The following GPATCH8 variants were observed in gnomAD, a reference collection of about 807,000 sequenced individuals.
GPATCH8 encodes G-patch domain containing 8, also known as G patch domain-containing protein 8.
A neutral mutation model predicts 118.3 loss-of-function variants in GPATCH8; 18 were observed. The observed-to-expected ratio is 0.15, with a 90% CI of 0.11 to 0.23. The LOEUF is 0.23. GPATCH8 is among the 10% of genes least tolerant of loss of function. The pLI, the probability that GPATCH8 is intolerant of heterozygous loss-of-function variation, is 1.00. For missense variants in GPATCH8, 1,631 were observed against 1,873.8 expected, an observed-to-expected ratio of 0.87 and a Z score of 2.39; for synonymous variants, 659 against 684.7, an observed-to-expected ratio of 0.96 and a Z score of 0.59.
intron 3 of GPATCH8, among the ~76,000 whole-genome samples, chr17:44,446,478 T>C (rs948346112): frequency 2.6e-5 from 4 of 152,098 alleles, no homozygotes; most frequent in African/African-American, 9.7e-5. Flanking sequence ...CACAGGAGAA[T>C]GGTGTGAACC....
At chr17:44,451,663 A>G (rs908203890) in intron 3 of GPATCH8, among the ~76,000 whole-genome samples, 1 of 152,226 alleles carries the variant, frequency 6.6e-6, no homozygotes, top group Non-Finnish European at 1.5e-5. Flanking sequence ...ACCAATTTCC[A>G]TCCCTAAATA....
intron 1 of GPATCH8, among the ~76,000 whole-genome samples, chr17:44,483,224 A>C: frequency 3.6e-5 from 3 of 84,048 alleles, no homozygotes; most frequent in Non-Finnish European, 4.6e-5. Flanking sequence ...TATACAGCCT[A>C]CCTCTCATAT....
intron 5 of GPATCH8, among the ~76,000 whole-genome samples, chr17:44,431,737 C>G (rs966462326): frequency 6.6e-6 from 1 of 151,756 alleles, no homozygotes; most frequent in African/African-American, 2.4e-5. Flanking sequence ...TTGAGACCAG[C>G]CTGGGCAACA....
rs1433025811 is a variant in GPATCH8, at chr17:44,483,400, A to C, written c.46-8497T>G. ...TGAGTAGCTGGGACTACAGGCACCC[A>C]CCACCACACCTGGCTAATTTTTGTA... On this transcript the variant is annotated intron_variant, in intron 1 of 7. Coordinates refer to ENST00000591680, the MANE Select transcript of GPATCH8 (RefSeq NM_001002909.4). 6.7e-4 allele frequency among the ~76,000 whole-genome samples: 98 copies of C among 146,144 alleles called. 1 individual carries two copies. The highest frequency in any genetic ancestry group is 2.4e-3 in the African/African-American group (97 of 39,836).
At chr17:44,403,819 T>C (rs1472899295) in intron 7 of GPATCH8, among the ~76,000 whole-genome samples, 2 of 151,614 alleles carry the variant, frequency 1.3e-5, no homozygotes, top group Middle Eastern at 3.2e-3. Flanking sequence ...TCAGCCTCCT[T>C]AGTAGCTGGG....
chr17:44,457,478 A>G (rs1001090406), intron 3 of GPATCH8, among the ~76,000 whole-genome samples: 1 of 152,324 alleles, frequency 6.6e-6, no homozygotes, highest in Admixed American at 6.5e-5. Flanking sequence ...CTGGAGATAC[A>G]CTCCAAATAA....
intron 6 of GPATCH8, among the ~76,000 whole-genome samples, chr17:44,412,362 ACAGAGCAAGAACC>A (rs1567952550): frequency 1.3e-5 from 2 of 152,154 alleles, no homozygotes; most frequent in African/African-American, 2.4e-5. Context: ...AGCCTGGGAA[ACAGAGCAAGAACC>A]TTTCATTTTA....
At chr17:44,442,219 A>AC in intron 3 of GPATCH8, among the ~76,000 whole-genome samples, 1 of 148,346 alleles carries the variant, frequency 6.7e-6, no homozygotes, top group East Asian at 2.1e-4. Context: ...GATGTAAAAA[A>AC]AAAAAAAAAC....
In GPATCH8 at chr17:44,399,346, A is replaced by G; in HGVS notation, c.2731T>C (p.Ser911Pro). 6.2e-7 allele frequency: 1 copy of G among 1,614,052 alleles called. No individual in the cohort carries two copies. The highest frequency in any genetic ancestry group is 8.5e-7 in the Non-Finnish European group (1 of 1,179,950). ...SRRHSKRSHDSDDSDYASSKH... is the reference protein window; with the variant it reads ...SRRHSKRSHDPDDSDYASSKH... The stretch of plus-strand genomic sequence containing the variant: ...GAGCTGGCATAGTCTGAGTCATCTG[A>G]GTCATGGGAGCGCTTGGAGTGCCTT... The change falls in exon 8 of 8, where the codon TCA (serine) becomes CCA (proline). Residue 911 changes from serine to proline, a missense_variant. Physicochemically the swap from Ser to Pro is moderately conservative, Grantham distance 74 (BLOSUM62 -1). This residue lies in a region of GPATCH8 where 922 missense variants were observed against 879.7 expected (regional missense o/e 1.05). Transcript: ENST00000591680.
intron 2 of GPATCH8, 158 bp from the exon 3 acceptor site, chr17:44,464,702 T>C (rs1269177500): frequency 9.2e-6 from 6 of 649,808 alleles, no homozygotes; most frequent in South Asian, 1.7e-5. Flanking sequence ...AAGAGGGACA[T>C]TAATGTAAAA....
chr17:44,480,463 C>T (rs1268956671), intron 1 of GPATCH8, among the ~76,000 whole-genome samples: 1 of 151,966 alleles, frequency 6.6e-6, no homozygotes, highest in Non-Finnish European at 1.5e-5. Context: ...CGTCTATAAT[C>T]CCAGCACTTT....
At chr17:44,484,195 G>A (rs1386650405) in intron 1 of GPATCH8, among the ~76,000 whole-genome samples, 1 of 151,322 alleles carries the variant, frequency 6.6e-6, no homozygotes, top group Admixed American at 6.6e-5. Flanking sequence ...TGTTGGCCAG[G>A]CTAGTCTCGA....
At chr17:44,434,581 T>C (rs2050432216) in intron 5 of GPATCH8, among the ~76,000 whole-genome samples, 2 of 152,266 alleles carry the variant, frequency 1.3e-5, no homozygotes, top group South Asian at 4.2e-4. Flanking sequence ...GGCTCACGCC[T>C]GTAATCCCAG....
In GPATCH8 at chr17:44,406,985, C is replaced by T. The variant is rs1015085505; in HGVS notation, c.493-934G>A. 5.3e-5 allele frequency among the ~76,000 whole-genome samples: 8 copies of T among 152,080 alleles called. No individual in the cohort carries two copies. In the East Asian group the frequency reaches 1.2e-3, roughly 22 times the overall value. On this transcript the variant is annotated intron_variant, in intron 6 of 7. Coordinates refer to ENST00000591680, the MANE Select transcript of GPATCH8 (RefSeq NM_001002909.4). ...AGATAATAACAAGAAACAAACAAAA[C>T]GAAACATATACATTAACCTATGCTT...
intron 1 of GPATCH8, among the ~76,000 whole-genome samples, chr17:44,493,622 G>A (rs1450217626): frequency 3.9e-5 from 6 of 152,130 alleles, no homozygotes; most frequent in Non-Finnish European, 7.3e-5. Context: ...GCTCGATGGC[G>A]TGCACCTGTA....
intron 1 of GPATCH8, among the ~76,000 whole-genome samples, chr17:44,490,798 T>C (rs965647133): frequency 6.6e-6 from 1 of 152,196 alleles, no homozygotes; most frequent in Non-Finnish European, 1.5e-5. Context: ...CTGCTCTGCA[T>C]GTTATTAAAA....
chr17:44,480,072 T>C (rs1968103417), intron 1 of GPATCH8, among the ~76,000 whole-genome samples: 1 of 151,820 alleles, frequency 6.6e-6, no homozygotes, highest in South Asian at 2.1e-4. Context: ...AATCCATACC[T>C]GATTAAAAAC....
intron 1 of GPATCH8, among the ~76,000 whole-genome samples, chr17:44,479,721 C>T (rs1261367888): frequency 2.0e-5 from 3 of 152,292 alleles, no homozygotes; most frequent in Middle Eastern, 6.8e-3. Flanking sequence ...GTAATCCCAG[C>T]ACTTTGGGAG....
chr17:44,414,159 G>A (rs904486567), intron 6 of GPATCH8, among the ~76,000 whole-genome samples: 4 of 100,852 alleles, frequency 4.0e-5, no homozygotes, highest in African/African-American at 6.7e-5. Context: ...ATATATATGT[G>A]TATATATATA....
Sources: gnomAD v4.1 joint callset for allele counts (sites outside exome capture counted in the v4.1 genomes callset) on GRCh38, gnomAD v4.1.1 for gene constraint, gnomAD v4.1.1 regional missense constraint, MANE v1.5 for transcripts, NCBI Gene and HGNC (gene_info 2026-07-23, HGNC 2026-07-21) for gene names.